GRIP1: variants seen among roughly 807,000 people sequenced by gnomAD.
GRIP1 encodes the protein glutamate receptor-interacting protein 1.
In GRIP1, 45 loss-of-function variants were observed where a neutral mutation model predicts 129.9. The ratio of observed to expected loss-of-function variants is 0.35; its 90% CI spans 0.27 to 0.44. The LOEUF is 0.44. Ranked by LOEUF, GRIP1 falls within the 20% of genes least tolerant of loss-of-function variation. GRIP1 has a pLI of 1.00. For synonymous variants in GRIP1, 530 were observed against 520.8 expected (o/e 1.02, Z -0.24); for missense variants, 1,196 against 1,396.8 (o/e 0.86, Z 2.29).
At chr12:66,689,986 A>G (rs903041027) in intron 1 of GRIP1, among the ~76,000 whole-genome samples, 5 of 152,196 alleles carry the variant, frequency 3.3e-5, no homozygotes, top group Admixed American at 3.3e-4. Flanking sequence ...GGATGTGATC[A>G]TGGCTTGCTG....
At chr12:66,447,525 G>A (rs143580816) in intron 11 of GRIP1, among the ~76,000 whole-genome samples, 1 of 152,282 alleles carries the variant, frequency 6.6e-6, no homozygotes, top group African/African-American at 2.4e-5. Context: ...TTTGACGAGA[G>A]TTCCTTAAAC....
At chr12:66,543,035 G>A (rs904230900) in intron 2 of GRIP1, among the ~76,000 whole-genome samples, 1 of 152,162 alleles carries the variant, frequency 6.6e-6, no homozygotes. Flanking sequence ...TTATAAATGT[G>A]TATCATAAAG....
At chr12:66,602,589 G>A (rs1389150943) in intron 1 of GRIP1, among the ~76,000 whole-genome samples, 1 of 152,050 alleles carries the variant, frequency 6.6e-6, no homozygotes, top group Admixed American at 6.6e-5. Flanking sequence ...TGATGGAGTG[G>A]TCCATACAGC....
chr12:66,591,129 AT>A (rs1278555712), intron 2 of GRIP1, among the ~76,000 whole-genome samples: 5 of 152,196 alleles, frequency 3.3e-5, no homozygotes, highest in Non-Finnish European at 7.3e-5. Context: ...AAATAAAAAA[AT>A]AATAAATTTA....
At chr12:66,630,937 A>G (rs1454052233) in intron 1 of GRIP1, among the ~76,000 whole-genome samples, 2 of 152,152 alleles carry the variant, frequency 1.3e-5, no homozygotes, top group East Asian at 1.9e-4. Context: ...GAGAAAAATA[A>G]AACTTTTTTT....
intron 8 of GRIP1, among the ~76,000 whole-genome samples, chr12:66,464,268 A>C (rs2059219508): frequency 6.6e-6 from 1 of 152,204 alleles, no homozygotes; most frequent in Non-Finnish European, 1.5e-5. Flanking sequence ...TCTTACCAGG[A>C]GCTGTAAAAT....
At chr12:67,061,429 T>G (rs1296977995) in intron 1 of GRIP1, among the ~76,000 whole-genome samples, 1 of 152,232 alleles carries the variant, frequency 6.6e-6, no homozygotes, top group Admixed American at 6.5e-5. Context: ...CTAGGCCAAA[T>G]AGCCAGGGAA....
intron 1 of GRIP1, among the ~76,000 whole-genome samples, chr12:66,607,115 A>G (rs150260273): frequency 0.013 from 1,985 of 152,280 alleles, 48 homozygotes; most frequent in African/African-American, 0.046. Flanking sequence ...GCATGACTAA[A>G]TGTCACTGAT....
At chr12:67,066,125 C>T (rs1007017419) in intron 1 of GRIP1, among the ~76,000 whole-genome samples, 1 of 152,288 alleles carries the variant, frequency 6.6e-6, no homozygotes, top group South Asian at 2.1e-4. Flanking sequence ...GTTACAGTTT[C>T]TCTGCTCAGC....
intron 1 of GRIP1, among the ~76,000 whole-genome samples, chr12:66,774,223 A>G (rs1293622448): frequency 1.3e-5 from 2 of 152,320 alleles, no homozygotes; most frequent in East Asian, 3.9e-4. Context: ...ATAGAAATGG[A>G]ATTCATTAAG....
chr12:66,812,843 T>C (rs2039129794), intron 1 of GRIP1, among the ~76,000 whole-genome samples: 1 of 152,242 alleles, frequency 6.6e-6, no homozygotes, highest in South Asian at 2.1e-4. Flanking sequence ...TTAAAGGCCC[T>C]TGAATAATTT....
chr12:66,619,745 C>T, intron 1 of GRIP1, among the ~76,000 whole-genome samples: 1 of 151,992 alleles, frequency 6.6e-6, no homozygotes, highest in East Asian at 1.9e-4. Context: ...AAAGTGGTTG[C>T]AAAAAACAGA....
intron 22 of GRIP1, among the ~76,000 whole-genome samples, chr12:66,374,523 T>TA (rs1240097400): frequency 3.3e-5 from 5 of 152,220 alleles, no homozygotes; most frequent in Non-Finnish European, 1.5e-5. Flanking sequence ...CTGACAGCAC[T>TA]CATTGGTTGT....
chr12:66,383,551 G>T (rs1331434632), intron 19 of GRIP1, among the ~76,000 whole-genome samples: 5 of 152,112 alleles, frequency 3.3e-5, no homozygotes, highest in Non-Finnish European at 7.4e-5. Flanking sequence ...AAGAACATTG[G>T]GCATGTCACT....
At chr12:66,645,345 T>C (rs1038651469) in intron 1 of GRIP1, among the ~76,000 whole-genome samples, 24 of 152,216 alleles carry the variant, frequency 1.6e-4, no homozygotes, top group Admixed American at 6.5e-5. Flanking sequence ...TCTATTACAG[T>C]GTTTTCTTCA....
intron 1 of GRIP1, among the ~76,000 whole-genome samples, chr12:66,908,799 A>G (rs2040979631): frequency 6.6e-6 from 1 of 152,178 alleles, no homozygotes; most frequent in Non-Finnish European, 1.5e-5. Context: ...AAATGTCTTC[A>G]TTGCAGATCT....
intron 3 of GRIP1, among the ~76,000 whole-genome samples, chr12:66,539,681 A>C (rs536344004): frequency 6.8e-6 from 1 of 147,792 alleles, no homozygotes; most frequent in Non-Finnish European, 1.5e-5. Flanking sequence ...CCTTTTGTAC[A>C]TTTCACCTCT....
chr12:66,635,284 C>A (rs1318970432), intron 1 of GRIP1, among the ~76,000 whole-genome samples: 2 of 151,484 alleles, frequency 1.3e-5, no homozygotes, highest in Non-Finnish European at 2.9e-5. Context: ...CTGGGCGTGG[C>A]GATGCAGGCT....
chr12:66,579,075 G>A (rs966471224), intron 2 of GRIP1, among the ~76,000 whole-genome samples: 17 of 152,110 alleles, frequency 1.1e-4, no homozygotes, highest in Non-Finnish European at 2.1e-4. Flanking sequence ...CCAGAGGAAC[G>A]ATCAGACAGC....
Sources: gnomAD v4.1 joint callset for allele counts (sites outside exome capture counted in the v4.1 genomes callset) on GRCh38, gnomAD v4.1.1 for gene constraint, MANE v1.5 for transcripts, NCBI Gene and HGNC (gene_info 2026-07-23, HGNC 2026-07-21) for gene names.